Variants in ANKIB1 observed in about 807,000 individuals in gnomAD.
ANKIB1 encodes ankyrin repeat and IBR domain containing 1, also known as ankyrin repeat and IBR domain-containing protein 1.
In ANKIB1, 43 loss-of-function variants were observed where a neutral mutation model predicts 122.1. The observed-to-expected ratio is 0.35, with a 90% CI of 0.28 to 0.45. ANKIB1 has a LOEUF of 0.45. Ranked by LOEUF, ANKIB1 falls within the 20% of genes least tolerant of loss-of-function variation. The pLI, the probability that ANKIB1 is intolerant of heterozygous loss-of-function variation, is 1.00. For missense variants in ANKIB1, 992 were observed against 1,329.5 expected (o/e 0.75, Z 3.95); for synonymous variants, 390 against 442.0 (o/e 0.88, Z 1.48).
chr7:92,306,378 G>A (rs1013185224), intron 2 of ANKIB1, among the ~76,000 whole-genome samples: 1 of 152,062 alleles, frequency 6.6e-6, no homozygotes, highest in African/African-American at 2.4e-5. Context: ...TCTGGGTTTG[G>A]CAGTAGTAAA....
chr7:92,304,628 CT>C (rs1164125272), intron 2 of ANKIB1, among the ~76,000 whole-genome samples: 1 of 152,028 alleles, frequency 6.6e-6, no homozygotes, highest in Non-Finnish European at 1.5e-5. Context: ...AATCAGATAG[CT>C]TTAATAATTT....
At chr7:92,393,852 C>A (rs1024176197) in intron 17 of ANKIB1, among the ~76,000 whole-genome samples, 1 of 152,096 alleles carries the variant, frequency 6.6e-6, no homozygotes, top group Non-Finnish European at 1.5e-5. Flanking sequence ...GTATGACTAT[C>A]GAGTAACTGC....
At position 92,398,630 on chromosome 7, in the gene ANKIB1, G is replaced by A; in HGVS notation, c.2951G>A (p.Ser984Asn). The A allele has an allele frequency of 1.2e-6, 2 of 1,613,922 alleles. No individual in the cohort carries two copies. The highest frequency in any genetic ancestry group is 1.7e-5 in the Admixed American group (1 of 60,016). The change falls in exon 20 of 20, where the codon AGT (serine) becomes AAT (asparagine). Residue 984 changes from serine (S) to asparagine (N), a missense_variant. Coordinates refer to ENST00000265742, the MANE Select transcript of ANKIB1 (RefSeq NM_019004.2). ...MAWFHDMNPQ[S>N]IALIPPATTE... ...TGGTTTCATGACATGAACCCTCAGA[G>A]TATTGCCCTGATTCCTCCAGCAACT...
chr7:92,398,579 A>T lies in ANKIB1; in HGVS notation c.2900A>T (p.Asp967Val). ...DSAGQDPNIN[D>V]NLLGNIMAWF... is the part of the protein sequence containing the mutation. Reference sequence around the variant, plus strand: ...GCTGGCCAGGACCCCAACATCAATGACAATCTTCTCGGCAACATCATGGCT... The same window carrying T: ...GCTGGCCAGGACCCCAACATCAATGTCAATCTTCTCGGCAACATCATGGCT... Residue 967 changes from aspartate (D) to valine (V), a missense_variant, in exon 20 of 20, where the codon GAC becomes GTC. Asp to Val is a radical substitution (Grantham distance 152, BLOSUM62 -3). Around this residue, in one of 4 missense-constraint regions of ANKIB1, gnomAD observed 384 missense variants for 412.0 expected, o/e 0.93. Coordinates refer to ENST00000265742, the MANE Select transcript of ANKIB1 (RefSeq NM_019004.2). 6.2e-7 allele frequency: 1 copy of T among 1,613,966 alleles called. No homozygotes were observed. The highest frequency in any genetic ancestry group is 8.5e-7 in the Non-Finnish European group (1 of 1,179,882).
At chr7:92,346,418 T>C (rs975275938) in intron 7 of ANKIB1, among the ~76,000 whole-genome samples, 2 of 152,154 alleles carry the variant, frequency 1.3e-5, no homozygotes, top group African/African-American at 4.8e-5. Context: ...TTTGAGTACA[T>C]TTCTTTATCT....
intron 14 of ANKIB1, among the ~76,000 whole-genome samples, chr7:92,388,472 C>T (rs1466095062): frequency 6.6e-6 from 1 of 152,168 alleles, no homozygotes; most frequent in African/African-American, 2.4e-5. Context: ...AAGTCAATAA[C>T]AGTTTGGGAA....
intron 10 of ANKIB1, among the ~76,000 whole-genome samples, chr7:92,363,555 G>A (rs906735797): frequency 2.0e-5 from 3 of 152,244 alleles, no homozygotes; most frequent in Admixed American, 2.0e-4. Context: ...AAAGATGAGA[G>A]TACAGAAACA....
intron 5 of ANKIB1, among the ~76,000 whole-genome samples, chr7:92,330,736 G>C (rs972785561): frequency 6.6e-6 from 1 of 152,142 alleles, no homozygotes; most frequent in Non-Finnish European, 1.5e-5. Flanking sequence ...CAGCTACTTA[G>C]GAGGCTGAGG....
chr7:92,274,259 A>G (rs1408069512), intron 1 of ANKIB1, among the ~76,000 whole-genome samples: 1 of 152,214 alleles, frequency 6.6e-6, no homozygotes, highest in African/African-American at 2.4e-5. Flanking sequence ...AAACAAAAAC[A>G]AGAGTATAGA....
chr7:92,375,505 C>T (rs772691513), intron 11 of ANKIB1, among the ~76,000 whole-genome samples: 1 of 152,148 alleles, frequency 6.6e-6, no homozygotes, highest in Non-Finnish European at 1.5e-5. Context: ...TTTGCTTATC[C>T]GTAAGAAACA....
chr7:92,338,754 A>G (rs1007138815), intron 5 of ANKIB1, among the ~76,000 whole-genome samples: 2 of 149,756 alleles, frequency 1.3e-5, no homozygotes, highest in Non-Finnish European at 3.0e-5. Flanking sequence ...TCTACTAAAA[A>G]TACAAAAATT....
chr7:92,273,777 CTT>C (rs111414202), intron 1 of ANKIB1, among the ~76,000 whole-genome samples: 14 of 142,878 alleles, frequency 9.8e-5, no homozygotes, highest in Admixed American at 1.4e-4. Flanking sequence ...TATTTTTTTT[CTT>C]TTTTTTTTTT....
rs530415288 is a variant in ANKIB1 at position 92,391,138 on chromosome 7, ATTT to A, written c.2053-18_2053-16del. 2.6e-6 allele frequency: 3 copies of A among 1,168,880 alleles called. No homozygotes were observed. The South Asian group carries it at 4.6e-5, about 18-fold the overall frequency. 72.4% of individuals were successfully genotyped at this position (1,168,880 alleles called of 1,614,324 possible). On this transcript the variant is annotated intron_variant, in intron 15 of 19. Transcript: ENST00000265742. The stretch of plus-strand genomic sequence containing the variant: ...TATTGATTAACCTATGAAGCCTGTG[ATTT>A]TTTTTTTTTCTCTGCTTACTATAGA...
rs1190362848 is a variant in ANKIB1 at position 92,389,988 on chromosome 7, G to A, written c.1924G>A (p.Asp642Asn). 6.3e-7 allele frequency: 1 copy of A among 1,598,878 alleles called. No individual in the cohort carries two copies. The highest frequency in any genetic ancestry group is 8.5e-7 in the Non-Finnish European group (1 of 1,175,188). The change falls in exon 15 of 20, where the codon GAT (aspartate) becomes AAT (asparagine). Residue 642 changes from aspartate to asparagine, a missense_variant. By Grantham distance (23) the Asp-to-Asn change is conservative. Around this residue, in one of 4 missense-constraint regions of ANKIB1, gnomAD observed 521 missense variants for 777.7 expected, o/e 0.67. Transcript: ENST00000265742. ...ALKETEGGCP[D>N]TTFIEDAVHV... ...CTTTTTAGCTGAAGGAGGCTGTCCAGATACCACTTTCATTGAAGATGCAGT... is the reference window on the plus strand; with the variant it reads ...CTTTTTAGCTGAAGGAGGCTGTCCAAATACCACTTTCATTGAAGATGCAGT...
intron 17 of ANKIB1, among the ~76,000 whole-genome samples, chr7:92,392,731 T>C (rs1383952100): frequency 6.6e-6 from 1 of 152,120 alleles, no homozygotes; most frequent in Non-Finnish European, 1.5e-5. Flanking sequence ...AACTTGACTT[T>C]AATAATGTAT....
intron 1 of ANKIB1, among the ~76,000 whole-genome samples, chr7:92,273,413 A>G (rs1801838216): frequency 6.6e-6 from 1 of 152,246 alleles, no homozygotes; most frequent in Non-Finnish European, 1.5e-5. Context: ...GACAACATCC[A>G]TAAACAGAAG....
chr7:92,269,802 T>A lies in ANKIB1; in HGVS notation c.-91+23283T>A, dbSNP rs201035213. Reference sequence around the variant, plus strand: ...ATACAGTTTCTGGTCTTTTTTTTTTTAAAAAAAATTATACTTTAAGTTCTA... The same window carrying A: ...ATACAGTTTCTGGTCTTTTTTTTTTAAAAAAAAATTATACTTTAAGTTCTA... On this transcript the variant is annotated intron_variant, in intron 1 of 19. Coordinates refer to ENST00000265742, the MANE Select transcript of ANKIB1 (RefSeq NM_019004.2). Among the ~76,000 whole-genome samples the A allele has an allele frequency of 8.4e-3, 1,266 of 151,316 alleles. 7 individuals are homozygous for A. Among genetic ancestry groups the A allele is most frequent in the African/African-American group, 0.024 (989 of 41,282 alleles).
At chr7:92,366,482 C>G (rs1162893363) in intron 10 of ANKIB1, among the ~76,000 whole-genome samples, 3 of 152,208 alleles carry the variant, frequency 2.0e-5, no homozygotes, top group Non-Finnish European at 4.4e-5. Context: ...GAACAGATCA[C>G]TTACTAGGTG....
At chr7:92,370,269 G>A (rs1804206707) in intron 10 of ANKIB1, among the ~76,000 whole-genome samples, 1 of 151,952 alleles carries the variant, frequency 6.6e-6, no homozygotes, top group Non-Finnish European at 1.5e-5. Flanking sequence ...AGCACTTTGG[G>A]AGGCCGAGGC....
Sources: gnomAD v4.1 joint callset for allele counts (sites outside exome capture counted in the v4.1 genomes callset) on GRCh38, gnomAD v4.1.1 for gene constraint, gnomAD v4.1.1 regional missense constraint, MANE v1.5 for transcripts, NCBI Gene and HGNC (gene_info 2026-07-23, HGNC 2026-07-21) for gene names.